Variants in EPHA6 observed in about 807,000 individuals in gnomAD.
EPHA6 encodes the protein EPH receptor A6.
Under a neutral mutation model 112.0 loss-of-function variants are expected in EPHA6, and 50 were observed. The observed-to-expected ratio is 0.45, with a 90% CI of 0.36 to 0.56. The LOEUF (loss-of-function observed/expected upper bound fraction) is 0.56, where lower values mean the gene tolerates loss of function less well. Among genes scored for constraint, EPHA6 ranks in the 20% least tolerant of loss-of-function variants. The pLI, the probability that EPHA6 is intolerant of heterozygous loss-of-function variation, is 0.00. For missense variants in EPHA6, 1,280 were observed against 1,417.4 expected (o/e 0.90, Z 1.56); for synonymous variants, 529 against 490.7 (o/e 1.08, Z -1.03).
chr3:97,151,125 G>A lies in EPHA6; in HGVS notation c.1115-75139G>A, dbSNP rs542215179. Among the ~76,000 whole-genome samples the A allele has an allele frequency of 1.2e-4, 18 of 152,048 alleles. No homozygotes were observed. In the South Asian group the frequency reaches 2.9e-3, roughly 25 times the overall value. On this transcript the variant is annotated intron_variant, in intron 3 of 17. Coordinates refer to ENST00000389672, the MANE Select transcript of EPHA6 (RefSeq NM_001080448.3). ...GCCCCAGCAAACTTGATTGAGCCTC[G>A]AAATAGGCCCTGTTATTCTCCAAGC...
At chr3:97,459,393 C>T (rs538731272) in intron 7 of EPHA6, among the ~76,000 whole-genome samples, 1 of 152,136 alleles carries the variant, frequency 6.6e-6, no homozygotes, top group South Asian at 2.1e-4. Flanking sequence ...CTGGGTTATT[C>T]GGCTGCAAGC....
rs373145264 is a variant in EPHA6, at chr3:97,220,600, G to A, written c.1115-5664G>A. Among the ~76,000 whole-genome samples the A allele has an allele frequency of 8.5e-4, 130 of 152,286 alleles. 1 individual carries two copies. The highest frequency in any genetic ancestry group is 2.9e-3 in the African/African-American group (119 of 41,572). On this transcript the variant is annotated intron_variant, in intron 3 of 17. Transcript: ENST00000389672. ...AGAATTGCCTAGAGAAGGGGGAAGA[G>A]CCTCTTATAAAACCATCTGATCTTG...
intron 3 of EPHA6, among the ~76,000 whole-genome samples, chr3:97,091,949 G>T (rs1349750341): frequency 2.0e-5 from 3 of 151,676 alleles, no homozygotes; most frequent in Admixed American, 6.6e-5. Flanking sequence ...TTGGTGGAGG[G>T]GTTGGCGTTG....
intron 7 of EPHA6, among the ~76,000 whole-genome samples, chr3:97,462,026 G>A (rs1002269658): frequency 1.3e-5 from 2 of 152,126 alleles, no homozygotes; most frequent in Admixed American, 1.3e-4. Flanking sequence ...CACATCAAAT[G>A]TCTCAGTGCA....
At chr3:96,953,778 A>G (rs894881244) in intron 2 of EPHA6, among the ~76,000 whole-genome samples, 6 of 152,204 alleles carry the variant, frequency 3.9e-5, no homozygotes, top group Admixed American at 3.9e-4. Flanking sequence ...TCAAACCATT[A>G]GCAAATCCTG....
chr3:97,583,534 G>C (rs2093460195), intron 11 of EPHA6, among the ~76,000 whole-genome samples: 3 of 148,416 alleles, frequency 2.0e-5, no homozygotes, highest in Admixed American at 2.0e-4. Context: ...GCAAGACTCT[G>C]TCTCAAAAAA....
chr3:97,338,617 G>A (rs750958675), intron 5 of EPHA6, among the ~76,000 whole-genome samples: 1 of 152,142 alleles, frequency 6.6e-6, no homozygotes, highest in African/African-American at 2.4e-5. Flanking sequence ...TTGCCCCACA[G>A]CCTACAAGCT....
intron 4 of EPHA6, among the ~76,000 whole-genome samples, chr3:97,232,806 G>A (rs1235951822): frequency 1.3e-5 from 2 of 152,140 alleles, no homozygotes; most frequent in Non-Finnish European, 2.9e-5. Flanking sequence ...CAGGGTTTCT[G>A]TTTCTTCTCT....
chr3:97,507,656 C>T (rs546463900), intron 10 of EPHA6, among the ~76,000 whole-genome samples: 1 of 152,224 alleles, frequency 6.6e-6, no homozygotes, highest in Non-Finnish European at 1.5e-5. Flanking sequence ...GTTTGGGTAT[C>T]AGGATGATGC....
chr3:97,099,495 GT>G (rs1322151916), intron 3 of EPHA6, among the ~76,000 whole-genome samples: 2 of 97,334 alleles, frequency 2.1e-5, no homozygotes, highest in Non-Finnish European at 3.7e-5. Flanking sequence ...TTTACTAATT[GT>G]GATAGTGTGT....
chr3:97,568,598 C>A (rs1457974980), intron 11 of EPHA6, among the ~76,000 whole-genome samples: 4 of 152,166 alleles, frequency 2.6e-5, no homozygotes, highest in Non-Finnish European at 5.9e-5. Flanking sequence ...CCCCTTTTTT[C>A]TTTCCCAGTG....
intron 3 of EPHA6, among the ~76,000 whole-genome samples, chr3:97,048,883 G>A (rs1233293980): frequency 6.6e-6 from 1 of 152,136 alleles, no homozygotes; most frequent in East Asian, 1.9e-4. Flanking sequence ...AATAGGAAGT[G>A]TGAGATTTGG....
chr3:97,040,862 GT>G (rs1002233344), intron 3 of EPHA6, among the ~76,000 whole-genome samples: 1 of 151,892 alleles, frequency 6.6e-6, no homozygotes, highest in Non-Finnish European at 1.5e-5. Flanking sequence ...TAAAAATATT[GT>G]TAATTCTGAT....
At chr3:97,200,308 C>T (rs1223534692) in intron 3 of EPHA6, among the ~76,000 whole-genome samples, 2 of 152,012 alleles carry the variant, frequency 1.3e-5, no homozygotes, top group African/African-American at 2.4e-5. Context: ...TTGGCAAGTC[C>T]GGGAATCAAA....
intron 3 of EPHA6, among the ~76,000 whole-genome samples, chr3:97,068,654 T>C (rs2046256719): frequency 6.6e-6 from 1 of 151,866 alleles, no homozygotes; most frequent in African/African-American, 2.4e-5. Flanking sequence ...ATGGACTGAA[T>C]GTTTTACCCC....
At chr3:97,143,426 G>A (rs548779698) in intron 3 of EPHA6, among the ~76,000 whole-genome samples, 2 of 151,908 alleles carry the variant, frequency 1.3e-5, no homozygotes, top group South Asian at 4.1e-4. Flanking sequence ...TATTTACAAA[G>A]TCAATTTTTA....
chr3:97,230,853 T>C (rs2108554200), intron 4 of EPHA6, among the ~76,000 whole-genome samples: 1 of 152,276 alleles, frequency 6.6e-6, no homozygotes. Flanking sequence ...ATTTGTTATG[T>C]TGATTTAAGT....
At chr3:97,260,255 G>A (rs924901478) in intron 5 of EPHA6, among the ~76,000 whole-genome samples, 2 of 152,218 alleles carry the variant, frequency 1.3e-5, no homozygotes, top group African/African-American at 4.8e-5. Flanking sequence ...CTAACAGAGT[G>A]TGGAGCCTTG....
chr3:97,669,394 G>A (rs1381524536), intron 14 of EPHA6, among the ~76,000 whole-genome samples: 1 of 150,150 alleles, frequency 6.7e-6, no homozygotes, highest in African/African-American at 2.5e-5. Context: ...AAGCTTTTTT[G>A]TCATGATCTA....
Sources: allele counts gnomAD v4.1 joint callset (sites outside exome capture counted in the v4.1 genomes callset), GRCh38; gene constraint gnomAD v4.1.1; transcripts MANE v1.5; gene names NCBI Gene and HGNC (gene_info 2026-07-23, HGNC 2026-07-21).